Variants in STARD13 observed in about 807,000 individuals in gnomAD.
STARD13 encodes StAR related lipid transfer domain containing 13.
Under a neutral mutation model 106.4 loss-of-function variants are expected in STARD13, and 62 were observed. The ratio of observed to expected loss-of-function variants is 0.58; its 90% CI spans 0.48 to 0.72. The LOEUF is 0.72. Among genes scored for constraint, STARD13 ranks in the 30% least tolerant of loss-of-function variants. STARD13 has a pLI of 0.00. For missense variants in STARD13, 1,387 were observed against 1,424.0 expected, an observed-to-expected ratio of 0.97 and a Z score of 0.42; for synonymous variants, 565 against 553.0, an observed-to-expected ratio of 1.02 and a Z score of -0.31.
the STARD13 span, among the ~76,000 whole-genome samples, chr13:33,550,725 G>A: frequency 2.6e-5 from 4 of 152,282 alleles, no homozygotes; most frequent in East Asian, 7.7e-4. Context: ...CCATTAAGTG[G>A]CATGTATTCA....
At chr13:33,551,172 G>A in the STARD13 span, among the ~76,000 whole-genome samples, 2 of 150,406 alleles carry the variant, frequency 1.3e-5, no homozygotes, top group African/African-American at 4.9e-5. Flanking sequence ...GGTGTGTCTT[G>A]CCTGACATGT....
chr13:33,201,950 T>A (rs1179130454), intron 1 of STARD13, among the ~76,000 whole-genome samples: 2 of 151,814 alleles, frequency 1.3e-5, no homozygotes, highest in African/African-American at 2.4e-5. Context: ...GGTCACTTAT[T>A]TGCCATTTTT....
chr13:33,233,226 G>A (rs1594141032), intron 1 of STARD13, among the ~76,000 whole-genome samples: 2 of 152,318 alleles, frequency 1.3e-5, no homozygotes, highest in South Asian at 4.1e-4. Context: ...CCTGTTTGGT[G>A]TGCTTTCCTC....
the STARD13 span, among the ~76,000 whole-genome samples, chr13:33,640,478 C>T: frequency 6.6e-6 from 1 of 152,202 alleles, no homozygotes; most frequent in African/African-American, 2.4e-5. Flanking sequence ...CCTGGAGTTC[C>T]ATTCAGTGAG....
chr13:33,307,514 A>G (rs755369753), intron 1 of STARD13, among the ~76,000 whole-genome samples: 34 of 152,216 alleles, frequency 2.2e-4, no homozygotes, highest in Non-Finnish European at 4.7e-4. Flanking sequence ...TTGCAGGGAC[A>G]TAGATGGAGC....
chr13:33,501,147 T>A, the STARD13 span, among the ~76,000 whole-genome samples: 1 of 139,624 alleles, frequency 7.2e-6, no homozygotes, highest in South Asian at 2.4e-4. Flanking sequence ...GCAGTGGCAC[T>A]ATCTCAGGTC....
At chr13:33,580,929 A>G in the STARD13 span, among the ~76,000 whole-genome samples, 1 of 152,292 alleles carries the variant, frequency 6.6e-6, no homozygotes, top group South Asian at 2.1e-4. Flanking sequence ...CCCAAACCAT[A>G]AAGATTTAGA....
chr13:33,223,515 C>T (rs992940144), intron 1 of STARD13, among the ~76,000 whole-genome samples: 2 of 151,976 alleles, frequency 1.3e-5, no homozygotes, highest in Non-Finnish European at 2.9e-5. Context: ...AAAAATTAGC[C>T]AGGTGAGGTG....
chr13:33,476,959 A>G, the STARD13 span, among the ~76,000 whole-genome samples: 1 of 152,210 alleles, frequency 6.6e-6, no homozygotes. Context: ...GCCAGAAATT[A>G]AAGCTGTTCA....
the STARD13 span, among the ~76,000 whole-genome samples, chr13:33,481,694 G>A: frequency 7.9e-5 from 12 of 152,106 alleles, no homozygotes; most frequent in African/African-American, 2.7e-4. Flanking sequence ...AAAGACTTTA[G>A]AGCCATATAA....
chr13:33,164,719 A>T (rs1251227396), intron 3 of STARD13, among the ~76,000 whole-genome samples: 1 of 152,210 alleles, frequency 6.6e-6, no homozygotes, highest in Non-Finnish European at 1.5e-5. Flanking sequence ...GAGTTTCTTC[A>T]ACAAGATAAT....
At chr13:33,538,386 G>A in the STARD13 span, among the ~76,000 whole-genome samples, 1 of 152,122 alleles carries the variant, frequency 6.6e-6, no homozygotes, top group Non-Finnish European at 1.5e-5. Context: ...ATAAAAATGC[G>A]AGTTCAGGGC....
intron 1 of STARD13, among the ~76,000 whole-genome samples, chr13:33,338,209 A>T (rs1188646652): frequency 2.6e-5 from 4 of 152,236 alleles, no homozygotes. Flanking sequence ...TCTCTCAACT[A>T]TCAGACCAAC....
the STARD13 span, among the ~76,000 whole-genome samples, chr13:33,517,334 G>T: frequency 6.6e-6 from 1 of 152,120 alleles, no homozygotes; most frequent in South Asian, 2.1e-4. Flanking sequence ...TCATTTGCTG[G>T]AGGATAGATG....
the STARD13 span, among the ~76,000 whole-genome samples, chr13:33,358,477 C>G: frequency 6.6e-6 from 1 of 152,222 alleles, no homozygotes; most frequent in Non-Finnish European, 1.5e-5. Flanking sequence ...GTCTTTATAT[C>G]TAGCTCAGGG....
chr13:33,238,676 G>T (rs1889315886), intron 1 of STARD13, among the ~76,000 whole-genome samples: 1 of 152,102 alleles, frequency 6.6e-6, no homozygotes, highest in Admixed American at 6.5e-5. Context: ...CTGCCATTTA[G>T]TAGTTGTGGA....
At chr13:33,263,175 G>C (rs1286402784) in intron 1 of STARD13, among the ~76,000 whole-genome samples, 1 of 152,006 alleles carries the variant, frequency 6.6e-6, no homozygotes, top group East Asian at 1.9e-4. Flanking sequence ...TCTTTGGTGT[G>C]GGGGAGCATC....
rs181149097 is a variant in STARD13, at chr13:33,182,245, A to T, written c.170-14623T>A. On this transcript the variant is annotated intron_variant, in intron 1 of 13. Transcript: ENST00000336934. Reference sequence around the variant, plus strand: ...ATTAATAGTCATATCCACTGACTTCATCACCCGTTTAAAACACTGACTAGA... The same window carrying T: ...ATTAATAGTCATATCCACTGACTTCTTCACCCGTTTAAAACACTGACTAGA... Among the ~76,000 whole-genome samples the T allele has an allele frequency of 3.9e-5, 6 of 152,332 alleles. No homozygotes were observed. In the East Asian group the frequency reaches 1.2e-3, roughly 29 times the overall value.
At chr13:33,440,704 T>G in the STARD13 span, among the ~76,000 whole-genome samples, 1 of 151,450 alleles carries the variant, frequency 6.6e-6, no homozygotes, top group Non-Finnish European at 1.5e-5. Flanking sequence ...ATCCATATTC[T>G]GATAACCTTC....
Sources: gnomAD v4.1 joint callset for allele counts (sites outside exome capture counted in the v4.1 genomes callset) on GRCh38, gnomAD v4.1.1 for gene constraint, MANE v1.5 for transcripts, NCBI Gene and HGNC (gene_info 2026-07-23, HGNC 2026-07-21) for gene names.